CTNND2: variants seen among roughly 807,000 people sequenced by gnomAD.
CTNND2 encodes catenin delta 2.
A neutral mutation model predicts 144.4 loss-of-function variants in CTNND2; 22 were observed. The observed-to-expected ratio is 0.15, with a 90% CI of 0.11 to 0.22. CTNND2 has a LOEUF of 0.22. Ranked by LOEUF, CTNND2 falls within the 10% of genes least tolerant of loss-of-function variation. CTNND2 has a pLI of 1.00. For missense variants in CTNND2, 1,353 were observed against 1,618.8 expected (o/e 0.84, Z 2.82); for synonymous variants, 751 against 695.6 (o/e 1.08, Z -1.25).
At chr5:11,620,847 A>G (rs1305122705) in intron 2 of CTNND2, among the ~76,000 whole-genome samples, 1 of 152,140 alleles carries the variant, frequency 6.6e-6, no homozygotes, top group East Asian at 1.9e-4. Flanking sequence ...GTGGCTCGGA[A>G]GCCTATTCCC....
intron 10 of CTNND2, among the ~76,000 whole-genome samples, chr5:11,235,347 T>C (rs1008226931): frequency 2.6e-5 from 4 of 152,204 alleles, no homozygotes; most frequent in Non-Finnish European, 4.4e-5. Context: ...ATCTGTCCTT[T>C]ATTTTGCATG....
intron 2 of CTNND2, among the ~76,000 whole-genome samples, chr5:11,709,085 G>A (rs549181162): frequency 2.0e-4 from 30 of 152,240 alleles, no homozygotes; most frequent in Admixed American, 5.2e-4. Context: ...GCAGTGCATC[G>A]ACTGTTCCCA....
intron 16 of CTNND2, among the ~76,000 whole-genome samples, chr5:11,051,138 T>G (rs569381938): frequency 6.6e-6 from 1 of 152,360 alleles, no homozygotes; most frequent in South Asian, 2.1e-4. Flanking sequence ...CTAGTGAATT[T>G]CCTTCTCAAG....
At chr5:11,831,886 G>C in intron 1 of CTNND2, among the ~76,000 whole-genome samples, 1 of 152,150 alleles carries the variant, frequency 6.6e-6, no homozygotes, top group Non-Finnish European at 1.5e-5. Context: ...AAGTTAATAT[G>C]TACGAGTTCT....
At chr5:11,325,147 C>A (rs1238223931) in intron 9 of CTNND2, among the ~76,000 whole-genome samples, 1 of 152,046 alleles carries the variant, frequency 6.6e-6, no homozygotes, top group East Asian at 1.9e-4. Context: ...TGCAGGCTTA[C>A]GAAAGGCTTG....
At chr5:11,775,720 T>C in intron 1 of CTNND2, among the ~76,000 whole-genome samples, 1 of 152,208 alleles carries the variant, frequency 6.6e-6, no homozygotes, top group South Asian at 2.1e-4. Flanking sequence ...GAGTAGAGTA[T>C]GTGTCTGCAG....
chr5:11,822,453 T>C (rs1793363590), intron 1 of CTNND2, among the ~76,000 whole-genome samples: 1 of 152,168 alleles, frequency 6.6e-6, no homozygotes, highest in Non-Finnish European at 1.5e-5. Context: ...ATACATGGTA[T>C]GTGTAACAAA....
At chr5:11,301,263 C>A (rs1295720823) in intron 9 of CTNND2, among the ~76,000 whole-genome samples, 2 of 152,038 alleles carry the variant, frequency 1.3e-5, no homozygotes, top group Admixed American at 6.6e-5. Context: ...GTGAGTTGCC[C>A]GCCTCTGCCT....
intron 9 of CTNND2, among the ~76,000 whole-genome samples, chr5:11,283,673 C>CA (rs70947250): frequency 0.046 from 1,455 of 31,656 alleles, 299 homozygotes; most frequent in Middle Eastern, 0.18. Flanking sequence ...GACTCCGTCT[C>CA]AAAAAAAAAA....
chr5:11,504,960 C>A (rs1233803115), intron 3 of CTNND2, among the ~76,000 whole-genome samples: 1 of 152,048 alleles, frequency 6.6e-6, no homozygotes, highest in Non-Finnish European at 1.5e-5. Context: ...ACATGGCCTC[C>A]TTTTGTCCTG....
intron 9 of CTNND2, among the ~76,000 whole-genome samples, chr5:11,302,706 G>T (rs1749743180): frequency 6.6e-6 from 1 of 152,158 alleles, no homozygotes. Flanking sequence ...TTCAAGATGT[G>T]ACCATGGCTT....
At chr5:11,888,636 T>C (rs2127091764) in intron 1 of CTNND2, among the ~76,000 whole-genome samples, 1 of 152,306 alleles carries the variant, frequency 6.6e-6, no homozygotes, top group South Asian at 2.1e-4. Context: ...ATAGTTATTT[T>C]TATAGATCAA....
At chr5:11,358,745 T>A (rs937144706) in intron 8 of CTNND2, among the ~76,000 whole-genome samples, 2 of 151,526 alleles carry the variant, frequency 1.3e-5, no homozygotes, top group African/African-American at 4.9e-5. Flanking sequence ...TTACGTTTTT[T>A]TTAGAGACTA....
intron 11 of CTNND2, among the ~76,000 whole-genome samples, chr5:11,174,661 G>T (rs150327541): frequency 5.1e-4 from 78 of 152,298 alleles, no homozygotes; most frequent in Non-Finnish European, 8.5e-4. Context: ...AAATGCGTTA[G>T]CCAGTTGATC....
At chr5:11,257,605 T>C (rs1341228331) in intron 9 of CTNND2, among the ~76,000 whole-genome samples, 3 of 152,136 alleles carry the variant, frequency 2.0e-5, no homozygotes, top group Non-Finnish European at 4.4e-5. Context: ...GAGAACAGCA[T>C]GGGAGAAACC....
chr5:11,643,180 T>C (rs971714900), intron 2 of CTNND2, among the ~76,000 whole-genome samples: 1 of 152,206 alleles, frequency 6.6e-6, no homozygotes, highest in Non-Finnish European at 1.5e-5. Context: ...TATGTGTGTA[T>C]GCTTGCACGT....
chr5:11,143,180 C>T (rs191033796), intron 12 of CTNND2, among the ~76,000 whole-genome samples: 40 of 152,154 alleles, frequency 2.6e-4, no homozygotes, highest in African/African-American at 9.2e-4. Flanking sequence ...CAGCTAATAC[C>T]CCATTAGCTC....
chr5:11,538,042 C>T (rs1774384033), intron 3 of CTNND2, among the ~76,000 whole-genome samples: 1 of 152,210 alleles, frequency 6.6e-6, no homozygotes, highest in Non-Finnish European at 1.5e-5. Flanking sequence ...TAAAGAAACT[C>T]TTCCTGCGTG....
chr5:11,836,370 A>G (rs190948874), intron 1 of CTNND2, among the ~76,000 whole-genome samples: 6 of 152,204 alleles, frequency 3.9e-5, no homozygotes, highest in Admixed American at 1.3e-4. Flanking sequence ...ACCACATACT[A>G]CTCTTTGACA....
Sources: allele counts gnomAD v4.1 joint callset (sites outside exome capture counted in the v4.1 genomes callset), GRCh38; gene constraint gnomAD v4.1.1; transcripts MANE v1.5; gene names NCBI Gene and HGNC (gene_info 2026-07-23, HGNC 2026-07-21).